HS3ST2: variants seen among roughly 807,000 people sequenced by gnomAD.
The protein encoded by HS3ST2 is heparan sulfate-glucosamine 3-sulfotransferase 2.
In HS3ST2, 17 loss-of-function variants were observed where a neutral mutation model predicts 26.3. That is an observed-to-expected ratio of 0.65 (90% CI 0.44 to 0.97). The LOEUF (loss-of-function observed/expected upper bound fraction) is 0.97, where lower values mean the gene tolerates loss of function less well. Ranked by LOEUF, HS3ST2 falls within the 50% of genes least tolerant of loss-of-function variation. The pLI is 0.00. For missense variants in HS3ST2, 402 were observed against 501.2 expected, an observed-to-expected ratio of 0.80 and a Z score of 1.89; for synonymous variants, 237 against 219.2, an observed-to-expected ratio of 1.08 and a Z score of -0.72.
intron 1 of HS3ST2, among the ~76,000 whole-genome samples, chr16:22,891,184 G>T (rs1357511491): frequency 6.6e-6 from 1 of 152,174 alleles, no homozygotes; most frequent in East Asian, 1.9e-4. Flanking sequence ...AGGTATCCTG[G>T]CCTGGTTCCA....
At chr16:22,890,839 T>C (rs1452502742) in intron 1 of HS3ST2, among the ~76,000 whole-genome samples, 3 of 152,218 alleles carry the variant, frequency 2.0e-5, no homozygotes, top group Non-Finnish European at 2.9e-5. Context: ...ACTGACCTAT[T>C]GCATGAGAAG....
At chr16:22,830,709 T>A (rs1320703191) in intron 1 of HS3ST2, among the ~76,000 whole-genome samples, 1 of 152,232 alleles carries the variant, frequency 6.6e-6, no homozygotes. Flanking sequence ...CCAACCTGTC[T>A]ACAACCTCCC....
chr16:22,862,300 G>A (rs1341700434), intron 1 of HS3ST2, among the ~76,000 whole-genome samples: 1 of 148,424 alleles, frequency 6.7e-6, no homozygotes, highest in Non-Finnish European at 1.5e-5. Flanking sequence ...TTTTTGGTAG[G>A]GAATCAGAAG....
At chr16:22,830,628 T>G (rs1361207994) in intron 1 of HS3ST2, among the ~76,000 whole-genome samples, 3 of 152,158 alleles carry the variant, frequency 2.0e-5, no homozygotes, top group Admixed American at 2.0e-4. Flanking sequence ...AAGTTCAATA[T>G]TGAGAGCCTG....
intron 1 of HS3ST2, among the ~76,000 whole-genome samples, chr16:22,841,704 T>A (rs935425069): frequency 5.3e-5 from 8 of 152,234 alleles, no homozygotes; most frequent in African/African-American, 1.7e-4. Flanking sequence ...AGATTGTAGA[T>A]TTATCCAGAA....
At chr16:22,832,518 C>T (rs1353143262) in intron 1 of HS3ST2, among the ~76,000 whole-genome samples, 2 of 151,864 alleles carry the variant, frequency 1.3e-5, no homozygotes, top group Non-Finnish European at 2.9e-5. Flanking sequence ...CCATCCCACA[C>T]CCACATTCCT....
intron 1 of HS3ST2, among the ~76,000 whole-genome samples, chr16:22,841,888 T>C (rs1035439227): frequency 6.6e-6 from 1 of 152,170 alleles, no homozygotes; most frequent in Non-Finnish European, 1.5e-5. Context: ...GAATTCTAGG[T>C]TGGTGATTAT....
At chr16:22,853,087 T>G (rs2002593) in intron 1 of HS3ST2, among the ~76,000 whole-genome samples, 49,687 of 152,092 alleles carry the variant, frequency 0.33, 12,337 homozygotes, top group African/African-American at 0.7. Flanking sequence ...CAAATTGGAA[T>G]GGTACAGCTT....
At chr16:22,891,874 G>A (rs1902134502) in intron 1 of HS3ST2, among the ~76,000 whole-genome samples, 1 of 152,136 alleles carries the variant, frequency 6.6e-6, no homozygotes, top group Non-Finnish European at 1.5e-5. Context: ...CTGTACTGAA[G>A]CTTCCTATTT....
At chr16:22,886,177 G>A (rs1163468708) in intron 1 of HS3ST2, among the ~76,000 whole-genome samples, 3 of 152,318 alleles carry the variant, frequency 2.0e-5, no homozygotes, top group African/African-American at 4.8e-5. Context: ...ACCCAAAGCA[G>A]CTCATTTATG....
At chr16:22,841,483 T>C (rs1596610717) in intron 1 of HS3ST2, among the ~76,000 whole-genome samples, 1 of 152,240 alleles carries the variant, frequency 6.6e-6, no homozygotes, top group Non-Finnish European at 1.5e-5. Context: ...CTTCTACTTA[T>C]ATCCTTTAGT....
chr16:22,840,820 AATT>A (rs1901341006), intron 1 of HS3ST2, among the ~76,000 whole-genome samples: 1 of 152,070 alleles, frequency 6.6e-6, no homozygotes, highest in Admixed American at 6.6e-5. Context: ...TTCTTTTTTA[AATT>A]ATTATTATAC....
chr16:22,838,280 G>A lies in HS3ST2; in HGVS notation c.485+23185G>A, dbSNP rs148396396. 8.5e-4 allele frequency among the ~76,000 whole-genome samples: 129 copies of A among 152,106 alleles called. 2 individuals carry two copies. Among genetic ancestry groups the A allele is most frequent in the Admixed American group, 7.2e-3 (110 of 15,278 alleles). ...GGGGGCTGAGGATGTACAATTCCAC[G>A]ACCCAGGATTTTGAAGGCTCCCTTT... On this transcript the variant is annotated intron_variant, in intron 1 of 1. Coordinates refer to ENST00000261374, the MANE Select transcript of HS3ST2 (RefSeq NM_006043.2).
intron 1 of HS3ST2, among the ~76,000 whole-genome samples, chr16:22,875,383 T>C (rs1279983374): frequency 6.6e-6 from 1 of 152,006 alleles, no homozygotes; most frequent in African/African-American, 2.4e-5. Flanking sequence ...TATTTATTTA[T>C]TTATTTATTT....
chr16:22,855,881 T>G (rs1596615749), intron 1 of HS3ST2, among the ~76,000 whole-genome samples: 1 of 152,306 alleles, frequency 6.6e-6, no homozygotes, highest in South Asian at 2.1e-4. Context: ...TCATTGGCTC[T>G]GATTGGGTCA....
In HS3ST2 at chr16:22,915,020, C is replaced by G. The variant is rs753134015; in HGVS notation, c.562C>G (p.Pro188Ala). ...TPSYFVTQEA[P>A]RRIFNMSRDT... ...CAGCTACTTTGTCACTCAAGAGGCT[C>G]CTCGACGCATCTTCAACATGTCCCG... The change falls in exon 2 of 2, where the codon CCT (proline) becomes GCT (alanine). Residue 188 changes from proline (P) to alanine (A), a missense_variant. By Grantham distance (27) the Pro-to-Ala change is conservative (BLOSUM62 -1). This residue lies in a region of HS3ST2 where 237 missense variants were observed against 346.6 expected (regional missense o/e 0.68). Transcript: ENST00000261374. The G allele has an allele frequency of 3.1e-6, 5 of 1,614,104 alleles. No homozygotes were observed. The South Asian group carries it at 4.4e-5, about 14-fold the overall frequency.
intron 1 of HS3ST2, among the ~76,000 whole-genome samples, chr16:22,834,195 C>A (rs146369041): frequency 2.6e-5 from 4 of 151,966 alleles, no homozygotes; most frequent in African/African-American, 9.7e-5. Context: ...AAATGGAAAT[C>A]GTGCATTGTG....
At chr16:22,843,627 C>A (rs1473141852) in intron 1 of HS3ST2, among the ~76,000 whole-genome samples, 1 of 152,148 alleles carries the variant, frequency 6.6e-6, no homozygotes, top group Admixed American at 6.5e-5. Flanking sequence ...GGAAGGGTCC[C>A]GAGTGGATGA....
At chr16:22,902,096 C>T (rs993325563) in intron 1 of HS3ST2, among the ~76,000 whole-genome samples, 27 of 152,160 alleles carry the variant, frequency 1.8e-4, no homozygotes, top group East Asian at 5.8e-4. Flanking sequence ...GGCACTAGCA[C>T]GCATGTGTAT....
Sources: gnomAD v4.1 joint callset for allele counts (sites outside exome capture counted in the v4.1 genomes callset) on GRCh38, gnomAD v4.1.1 for gene constraint, gnomAD v4.1.1 regional missense constraint, MANE v1.5 for transcripts, NCBI Gene and HGNC (gene_info 2026-07-23, HGNC 2026-07-21) for gene names.